Variants in GNPAT observed in about 807,000 individuals in gnomAD.
The protein encoded by GNPAT is dihydroxyacetone phosphate acyltransferase.
A neutral mutation model predicts 78.4 loss-of-function variants in GNPAT; 30 were observed. The observed-to-expected ratio is 0.38, with a 90% CI of 0.29 to 0.52. The LOEUF (loss-of-function observed/expected upper bound fraction) is 0.52. GNPAT is among the 20% of genes least tolerant of loss of function. The pLI is 0.84. For synonymous variants in GNPAT, 271 were observed against 281.1 expected, an observed-to-expected ratio of 0.96 and a Z score of 0.36; for missense variants, 714 against 812.2, an observed-to-expected ratio of 0.88 and a Z score of 1.47.
intron 1 of GNPAT, among the ~76,000 whole-genome samples, chr1:231,246,476 G>A (rs866207351): frequency 1.3e-5 from 2 of 152,156 alleles, no homozygotes; most frequent in African/African-American, 4.8e-5. Context: ...TGAATGAGTG[G>A]ATCCTCCAGA....
At chr1:231,276,907 T>A (rs1468337911) in intron 15 of GNPAT, among the ~76,000 whole-genome samples, 1 of 152,226 alleles carries the variant, frequency 6.6e-6, no homozygotes, top group Non-Finnish European at 1.5e-5. Context: ...AGTACTGTTT[T>A]TGTACCTAAT....
chr1:231,245,556 T>G (rs971759331), intron 1 of GNPAT, among the ~76,000 whole-genome samples: 1 of 152,208 alleles, frequency 6.6e-6, no homozygotes, highest in Non-Finnish European at 1.5e-5. Flanking sequence ...TGACCGCAGC[T>G]TTATTTTCCT....
intron 1 of GNPAT, among the ~76,000 whole-genome samples, chr1:231,247,619 C>T (rs1684784767): frequency 1.3e-5 from 2 of 152,218 alleles, no homozygotes; most frequent in Admixed American, 6.5e-5. Context: ...CTCTCAATAA[C>T]TGGTACCACC....
chr1:231,254,968 G>A (rs991990085), intron 2 of GNPAT, among the ~76,000 whole-genome samples: 6 of 151,836 alleles, frequency 4.0e-5, no homozygotes, highest in Non-Finnish European at 8.8e-5. Context: ...GACCAGGCTG[G>A]TCTTGAACTC....
intron 2 of GNPAT, among the ~76,000 whole-genome samples, chr1:231,251,615 A>G (rs1018567880): frequency 2.0e-5 from 3 of 152,192 alleles, no homozygotes; most frequent in African/African-American, 7.2e-5. Context: ...TCCCCATATC[A>G]TCCCCATGCC....
intron 12 of GNPAT, among the ~76,000 whole-genome samples, chr1:231,274,528 G>T (rs974579870): frequency 6.6e-6 from 1 of 152,240 alleles, no homozygotes. Flanking sequence ...GCGTTTGTCA[G>T]AGCTCTTGGG....
rs904951183 is a variant in GNPAT at position 231,276,049 on chromosome 1, T to C, written c.1938-86T>C. 12 of 717,130 alleles carry C rather than the reference T, an allele frequency of 1.7e-5. No homozygotes were observed. In the East Asian group the frequency reaches 3.0e-4, roughly 18 times the overall value. 44.4% of individuals were successfully genotyped at this position (717,130 alleles called of 1,614,324 possible). On this transcript the variant is annotated intron_variant, in intron 14 of 15. Coordinates refer to ENST00000366647, the MANE Select transcript of GNPAT (RefSeq NM_014236.4). The stretch of plus-strand genomic sequence containing the variant: ...TGAGGAAGGCAATTGAAAAGTAGTC[T>C]TACAATAGCTACGTCAGGAACAAAA...
At chr1:231,254,444 AATT>A (rs1362253365) in intron 2 of GNPAT, among the ~76,000 whole-genome samples, 1 of 151,672 alleles carries the variant, frequency 6.6e-6, no homozygotes, top group African/African-American at 2.4e-5. Context: ...CACAGTGAAA[AATT>A]TTTTTTTTTT....
In GNPAT at chr1:231,272,099, C is replaced by T. The variant is rs533103145; in HGVS notation, c.1523-213C>T. Among the ~76,000 whole-genome samples, 5 of 152,032 alleles carry T rather than the reference C, an allele frequency of 3.3e-5. No homozygotes were observed. In the South Asian group the frequency reaches 8.3e-4, roughly 25 times the overall value. Reference sequence around the variant, plus strand: ...TGGGTGACAGAGCGAGACTCCATCTCAAAAAACAAAAAACAAACTATGCTA... The same window carrying T: ...TGGGTGACAGAGCGAGACTCCATCTTAAAAAACAAAAAACAAACTATGCTA... On this transcript the variant is annotated intron_variant, in intron 10 of 15. Coordinates refer to ENST00000366647, the MANE Select transcript of GNPAT (RefSeq NM_014236.4).
rs749265542 is a variant in GNPAT, at chr1:231,266,358, T to A, written c.1006T>A (p.Ser336Thr). The change falls in exon 8 of 16, where the codon TCT becomes ACT. Residue 336 changes from serine to threonine, a missense_variant. Coordinates refer to ENST00000366647, the MANE Select transcript of GNPAT (RefSeq NM_014236.4). ...CTTTGGAGATCCTGTGTCACTTCGA[T>A]CTTTGGCAGCTGGGAGGATGAGTCG... is the stretch of plus-strand genomic sequence containing the variant. ...VYFGDPVSLR[S>T]LAAGRMSRSS... is the part of the protein sequence containing the mutation. The A allele has an allele frequency of 1.9e-6, 3 of 1,614,112 alleles. No individual in the cohort carries two copies. The highest frequency in any genetic ancestry group is 8.5e-7 in the Non-Finnish European group (1 of 1,179,942).
At position 231,271,101 on chromosome 1, in the gene GNPAT, C is replaced by T. The variant is rs116024301; in HGVS notation, c.1522+101C>T. 35 of 1,308,668 alleles carry T rather than the reference C, an allele frequency of 2.7e-5. No individual in the cohort carries two copies. The East Asian group carries it at 2.8e-4, about 10-fold the overall frequency. 81.1% of individuals were successfully genotyped at this position (1,308,668 alleles called of 1,614,324 possible). ...AGCCTTGTAATGTTCAGCCTCACGC[C>T]GGTGAAGAGCAGGCCTATCACTGAG... On this transcript the variant is annotated intron_variant, in intron 10 of 15. Transcript: ENST00000366647.
intron 1 of GNPAT, 84 bp from the exon 2 acceptor site, chr1:231,250,877 A>T: frequency 1.1e-6 from 1 of 890,910 alleles, no homozygotes; most frequent in Admixed American, 1.7e-5. Flanking sequence ...ATTTTGTCAA[A>T]GATGAAACCT....
chr1:231,277,353 G>A (rs111292269), intron 15 of GNPAT, 146 bp from the exon 16 acceptor site: 25 of 675,648 alleles, frequency 3.7e-5, no homozygotes, highest in African/African-American at 3.0e-4. Context: ...TGTGGAGGGG[G>A]CTGGCGTCCC....
intron 2 of GNPAT, among the ~76,000 whole-genome samples, chr1:231,251,476 T>A (rs905181612): frequency 7.2e-5 from 11 of 152,140 alleles, no homozygotes; most frequent in African/African-American, 2.7e-4. Flanking sequence ...TGATTTTTTT[T>A]AATGAGGCCT....
At chr1:231,249,611 A>G (rs1684837007) in intron 1 of GNPAT, among the ~76,000 whole-genome samples, 1 of 152,242 alleles carries the variant, frequency 6.6e-6, no homozygotes. Flanking sequence ...TGTGGGATAC[A>G]TACCATAATA....
In GNPAT at chr1:231,241,448, CT is replaced by C; in HGVS notation, c.71del (p.Leu24ProfsTer16). ...AACCAGTCCCAGCGCTGTCGTGCTC[CT>C]CTACTCGGTAGGCGCCCAGGGAAAA... Reference protein sequence around the residue: ...GPTSPSAVVLLYSKELKKWDE... With the variant: ...GPTSPSAVVLXYSKELKKWDE... On this transcript the variant is annotated frameshift_variant, in exon 1 of 16. Transcript: ENST00000366647. LOFTEE classifies it high-confidence loss of function. The C allele has an allele frequency of 6.2e-7, 1 of 1,611,746 alleles. No individual in the cohort carries two copies. The highest frequency in any genetic ancestry group is 8.5e-7 in the Non-Finnish European group (1 of 1,177,884).
In GNPAT at chr1:231,273,919, T is replaced by G; in HGVS notation, c.1603-3T>G. 5.3e-5 allele frequency: 85 copies of G among 1,612,472 alleles called. No homozygotes were observed. Among genetic ancestry groups the G allele is most frequent in the Non-Finnish European group, 7.0e-5 (83 of 1,178,576 alleles). ...AACATTATGGCTTCCTCTTCCCTTC[T>G]AGGACTTTGAAGAAGGCTGTTACCT... On this transcript the variant is annotated splice_polypyrimidine_tract_variant and splice_region_variant and intron_variant, in intron 11 of 15. Coordinates refer to ENST00000366647, the MANE Select transcript of GNPAT (RefSeq NM_014236.4).
In GNPAT at chr1:231,257,339, A is replaced by C. The variant is rs568763688; in HGVS notation, c.262-3168A>C. Reference sequence around the variant, plus strand: ...TTTCCCTACTTTTCCTGCTTCTCAGAAGAGTGGGCTACATGTGGTGTCTGC... The same window carrying C: ...TTTCCCTACTTTTCCTGCTTCTCAGCAGAGTGGGCTACATGTGGTGTCTGC... On this transcript the variant is annotated intron_variant, in intron 2 of 15. Transcript: ENST00000366647. 2.6e-5 allele frequency among the ~76,000 whole-genome samples: 4 copies of C among 152,248 alleles called. No individual in the cohort carries two copies. In the East Asian group the frequency reaches 7.7e-4, roughly 29 times the overall value.
At chr1:231,243,544 G>C (rs1684671203) in intron 1 of GNPAT, among the ~76,000 whole-genome samples, 1 of 152,102 alleles carries the variant, frequency 6.6e-6, no homozygotes, top group Non-Finnish European at 1.5e-5. Flanking sequence ...GGCCGGTCTT[G>C]AACTCCTGAC....
Sources: allele counts gnomAD v4.1 joint callset (sites outside exome capture counted in the v4.1 genomes callset), GRCh38; gene constraint gnomAD v4.1.1; transcripts MANE v1.5; gene names NCBI Gene and HGNC (gene_info 2026-07-23, HGNC 2026-07-21).